The following MRE11 variants were observed in gnomAD, a reference collection of about 807,000 sequenced individuals.
The protein encoded by MRE11 is double-strand break repair protein MRE11.
MRE11 carries 62 observed loss-of-function variants against 91.7 expected under a neutral mutation model. The observed-to-expected ratio is 0.68, with a 90% confidence interval of 0.55 to 0.84. MRE11 has a LOEUF of 0.84. Among genes scored for constraint, MRE11 ranks in the 40% least tolerant of loss-of-function variants. The pLI is 0.00. For missense variants in MRE11, 796 were observed against 852.9 expected, an observed-to-expected ratio of 0.93 and a Z score of 0.83; for synonymous variants, 273 against 271.4, an observed-to-expected ratio of 1.01 and a Z score of -0.06.
At chr11:94,454,442 A>T (rs1035453679) in intron 14 of MRE11, among the ~76,000 whole-genome samples, 13 of 152,096 alleles carry the variant, frequency 8.5e-5, no homozygotes, top group African/African-American at 3.1e-4. Context: ...CAGTATAAGT[A>T]ATTTAAGCAT....
rs1945083336 is a variant in MRE11, at chr11:94,418,565, A to G, written c.*1560T>C. On this transcript the variant is annotated 3_prime_UTR_variant, in exon 20 of 20. Coordinates refer to ENST00000323929, the MANE Select transcript of MRE11 (RefSeq NM_005591.4). ...CAGCATGGCTTGTGCAGGGGTAGGT[A>G]GCACAGCATCATCCAGACACTGCCT... 1 of 232,678 alleles carries G rather than the reference A, an allele frequency of 4.3e-6. No homozygotes were observed. Among genetic ancestry groups the G allele is most frequent in the Non-Finnish European group, 8.5e-6 (1 of 117,778 alleles). 14.4% of individuals were successfully genotyped at this position (232,678 alleles called of 1,614,324 possible). A position where few individuals can be genotyped will look rare whatever the true frequency, so the allele number is the denominator to read the frequency against.
intron 2 of MRE11, 158 bp downstream of exon 2, chr11:94,492,624 T>A: frequency 7.8e-7 from 1 of 1,288,364 alleles, no homozygotes; most frequent in East Asian, 2.5e-5. Flanking sequence ...AGATAAATAT[T>A]TAAAACATTC....
At chr11:94,498,112 C>T (rs768908734), upstream of MRE11, 45 of 1,613,698 alleles carry the variant, frequency 2.8e-5, no homozygotes, top group East Asian at 8.5e-4. Context: ...AGGCCACTCA[C>T]GTGAACACTA....
intron 19 of MRE11, among the ~76,000 whole-genome samples, chr11:94,420,678 GC>G (rs1398087670): frequency 6.6e-6 from 1 of 152,134 alleles, no homozygotes; most frequent in African/African-American, 2.4e-5. Flanking sequence ...AAACAACCTA[GC>G]AAAGCAAGCT....
chr11:94,481,391 T>A (rs1204951878), intron 4 of MRE11, among the ~76,000 whole-genome samples: 2 of 152,232 alleles, frequency 1.3e-5, no homozygotes, highest in Non-Finnish European at 2.9e-5. Flanking sequence ...TACTAACTCA[T>A]GAATTTTATT....
At chr11:94,421,292 C>G (rs758565765) in intron 19 of MRE11, among the ~76,000 whole-genome samples, 2 of 152,250 alleles carry the variant, frequency 1.3e-5, no homozygotes, top group South Asian at 2.1e-4. Flanking sequence ...TTATTTGATG[C>G]TAGGCTTTGT....
At chr11:94,451,197 A>C (rs368955173) in intron 14 of MRE11, among the ~76,000 whole-genome samples, 1 of 152,124 alleles carries the variant, frequency 6.6e-6, no homozygotes, top group Admixed American at 6.5e-5. Context: ...AAAAGAAAGA[A>C]GGAAGAATGG....
At chr11:94,440,222 T>C (rs7936640) in intron 16 of MRE11, among the ~76,000 whole-genome samples, 4,912 of 152,316 alleles carry the variant, frequency 0.032, 177 homozygotes, top group African/African-American at 0.086. Flanking sequence ...AGATGAATAC[T>C]GTTTCCTTAA....
intron 5 of MRE11, among the ~76,000 whole-genome samples, chr11:94,479,250 G>GA (rs1339628117): frequency 2.0e-5 from 3 of 152,142 alleles, no homozygotes; most frequent in Non-Finnish European, 4.4e-5. Context: ...CAGATAAAAT[G>GA]AAAAAATACT....
rs768294115 is a variant in MRE11 at position 94,429,993 on chromosome 11, CAAAACA to C, written c.1995-13_1995-8del. The C allele has an allele frequency of 1.2e-5, 20 of 1,613,668 alleles. No individual in the cohort carries two copies. Among genetic ancestry groups the C allele is most frequent in the East Asian group, 2.2e-5 (1 of 44,868 alleles). On this transcript the variant is annotated splice_region_variant and splice_polypyrimidine_tract_variant and intron_variant, in intron 18 of 19. Transcript: ENST00000323929. ...GGATGATGTGCTGGACCACCTGAGG[CAAAACA>C]AAAACAAAAACAAACACAATGAACT...
Position 94,467,815 on chromosome 11 carries a change from G to A in MRE11, c.1096C>T (p.Arg366Ter), listed in dbSNP as rs372411821. 5.6e-6 allele frequency: 9 copies of A among 1,607,808 alleles called. No individual in the cohort carries two copies. Among genetic ancestry groups the A allele is most frequent in the South Asian group, 3.3e-5 (3 of 90,954 alleles). The change falls in exon 10 of 20, where the codon CGA becomes TGA. Residue 366 changes from arginine (R) to a stop codon, truncating the protein, a stop_gained and splice_region_variant. Transcript: ENST00000323929. LOFTEE classifies it high-confidence loss of function. The stretch of plus-strand genomic sequence containing the variant: ...CAATCTATATAAATAGGACTTACTC[G>A]CAGTCGTACAAGAGGCTTCTCTGGC... ...HQPEKPLVRLRVDYSGGFEPF... is the reference protein window; with the variant it reads ...HQPEKPLVRL
At position 94,417,963 on chromosome 11, in the gene MRE11, A is replaced by G. The variant is rs1406236559; in HGVS notation, c.*2162T>C. The stretch of plus-strand genomic sequence containing the variant: ...GAAAGACACTTATTCTTTGGTAAGT[A>G]ACAGAAGAATTCCCTACAGATGTCT... On this transcript the variant is annotated 3_prime_UTR_variant, in exon 20 of 20. Transcript: ENST00000323929. The G allele has an allele frequency of 4.7e-4, 109 of 233,100 alleles. No homozygotes were observed. The East Asian group carries it at 6.5e-3, about 14-fold the overall frequency. 14.4% of individuals were successfully genotyped at this position (233,100 alleles called of 1,614,324 possible).
chr11:94,416,894 C>G lies in MRE11; in HGVS notation c.*3231G>C, dbSNP rs1945041428. On this transcript the variant is annotated 3_prime_UTR_variant, in exon 20 of 20. Transcript: ENST00000323929. The stretch of plus-strand genomic sequence containing the variant: ...AAAATACTATGAATTAAATTTATGA[C>G]AGATACAAAAAGGACATCAGATTTC... 6.6e-6 allele frequency: 1 copy of G among 150,488 alleles called. No individual in the cohort carries two copies. The highest frequency in any genetic ancestry group is 1.5e-5 in the Non-Finnish European group (1 of 67,702). The allele number at this position is 150,488 out of a possible 1,614,324, so 9.3% of individuals were successfully genotyped here.
rs115448201 is a variant in MRE11 at position 94,464,265 on chromosome 11, C to G, written c.1099-26G>C. On this transcript the variant is annotated intron_variant, in intron 10 of 19. Coordinates refer to ENST00000323929, the MANE Select transcript of MRE11 (RefSeq NM_005591.4). ...CTGAAAACACAGAATAATCTATGAA[C>G]GCTAGGAAACAACAATTTGCCAATT... 1.3e-3 allele frequency: 2,034 copies of G among 1,613,406 alleles called. 15 individuals are homozygous for G. The African/African-American group carries it at 0.02, about 16-fold the overall frequency.
At chr11:94,487,171 C>G (rs943970641) in intron 3 of MRE11, among the ~76,000 whole-genome samples, 2 of 152,134 alleles carry the variant, frequency 1.3e-5, no homozygotes, top group African/African-American at 2.4e-5. Context: ...GAGAGTAATT[C>G]TGGAGATTGG....
chr11:94,419,456 G>A lies in MRE11; in HGVS notation c.*669C>T, dbSNP rs886048755. On this transcript the variant is annotated 3_prime_UTR_variant, in exon 20 of 20. Coordinates refer to ENST00000323929, the MANE Select transcript of MRE11 (RefSeq NM_005591.4). ...AGGAGAAAGGAAGAGTGGGGAACGG[G>A]GGGGAGAGGGAGAGAGAGAGAGAGA... is the stretch of plus-strand genomic sequence containing the variant. 6 of 222,376 alleles carry A rather than the reference G, an allele frequency of 2.7e-5. No individual in the cohort carries two copies. Among genetic ancestry groups the A allele is most frequent in the East Asian group, 2.5e-4 (4 of 16,162 alleles). 13.8% of individuals were successfully genotyped at this position (222,376 alleles called of 1,614,324 possible).
At chr11:94,427,747 C>T (rs745765760) in intron 19 of MRE11, among the ~76,000 whole-genome samples, 7 of 151,760 alleles carry the variant, frequency 4.6e-5, no homozygotes, top group African/African-American at 7.2e-5. Flanking sequence ...ACACCAATAA[C>T]GTTCAAGCTG....
chr11:94,435,577 AAAG>A (rs1319375515), intron 18 of MRE11, among the ~76,000 whole-genome samples: 1 of 152,150 alleles, frequency 6.6e-6, no homozygotes, highest in Non-Finnish European at 1.5e-5. Context: ...AAATAAATAA[AAAG>A]AAAGAAAAGC....
At chr11:94,492,563 T>C in intron 2 of MRE11, 1 of 771,536 alleles carries the variant, frequency 1.3e-6, no homozygotes, top group South Asian at 1.7e-5. Flanking sequence ...ATATATCAAA[T>C]TACTGCAAGA....
Sources: gnomAD v4.1 joint callset for allele counts (sites outside exome capture counted in the v4.1 genomes callset) on GRCh38, gnomAD v4.1.1 for gene constraint, MANE v1.5 for transcripts, NCBI Gene and HGNC (gene_info 2026-07-23, HGNC 2026-07-21) for gene names.